UGT1A4: variants seen among roughly 807,000 people sequenced by gnomAD.
The protein encoded by UGT1A4 is UDP-glucuronosyltransferase 1A4.
In UGT1A4, 32 loss-of-function variants were observed where a neutral mutation model predicts 41.1. The observed-to-expected ratio is 0.78, with a 90% CI of 0.59 to 1.05. The LOEUF (loss-of-function observed/expected upper bound fraction) is 1.05, where lower values mean the gene tolerates loss of function less well. Among genes scored for constraint, UGT1A4 ranks in the 50% least tolerant of loss-of-function variants. The probability of loss-of-function intolerance (pLI) is 0.00; values close to 1 mark genes in which losing one functional copy is unlikely to be tolerated. For missense variants in UGT1A4, 748 were observed against 677.4 expected, an observed-to-expected ratio of 1.10 and a Z score of -1.16; for synonymous variants, 283 against 265.1, an observed-to-expected ratio of 1.07 and a Z score of -0.66.
At chr2:233,742,595 T>C (rs1692031315) in intron 1 of UGT1A4, among the ~76,000 whole-genome samples, 1 of 151,868 alleles carries the variant, frequency 6.6e-6, no homozygotes, top group African/African-American at 2.4e-5. Flanking sequence ...CCCAGCAACC[T>C]ACCATAGTTG....
In UGT1A4 at chr2:233,768,310, C is replaced by G; in HGVS notation, c.1178C>G (p.Pro393Arg). 6.2e-7 allele frequency: 1 copy of G among 1,614,060 alleles called. No homozygotes were observed. Among genetic ancestry groups the G allele is most frequent in the Non-Finnish European group, 8.5e-7 (1 of 1,180,018 alleles). ...ICNGVPMVMM[P>R]LFGDQMDNAK... ...AATGGCGTTCCCATGGTGATGATGC[C>G]CTTGTTTGGTGATCAGATGGACAAT... The change falls in exon 4 of 5, where the codon CCC becomes CGC. Residue 393 changes from proline to arginine, a missense_variant. Physicochemically the swap from Pro to Arg is moderately radical, Grantham distance 103. Coordinates refer to ENST00000373409, the MANE Select transcript of UGT1A4 (RefSeq NM_007120.3).
chr2:233,747,463 G>A lies in UGT1A4; in HGVS notation c.868-19571G>A, dbSNP rs564672570. 1.6e-5 allele frequency: 25 copies of A among 1,608,790 alleles called. No homozygotes were observed. The South Asian group carries it at 2.7e-4, about 18-fold the overall frequency. ...ACCCTGACAACCTATGCCATTTCAT[G>A]GACCCAGGATGAATTTGATCGCCTT... On this transcript the variant is annotated intron_variant, in intron 1 of 4. Coordinates refer to ENST00000373409, the MANE Select transcript of UGT1A4 (RefSeq NM_007120.3).
intron 1 of UGT1A4, among the ~76,000 whole-genome samples, chr2:233,731,421 G>A (rs1039281599): frequency 6.6e-6 from 1 of 151,738 alleles, no homozygotes; most frequent in Non-Finnish European, 1.5e-5. Flanking sequence ...TTTTCCTAAT[G>A]CCATCCCTCC....
chr2:233,767,858 CG>C lies in UGT1A4; in HGVS notation c.1011del (p.Tyr338ThrfsTer29). The C allele has an allele frequency of 6.2e-7, 1 of 1,614,120 alleles. No individual in the cohort carries two copies. Among genetic ancestry groups the C allele is most frequent in the South Asian group, 1.1e-5 (1 of 91,080 alleles). On this transcript the variant is annotated frameshift_variant, in exon 3 of 5. Coordinates refer to ENST00000373409, the MANE Select transcript of UGT1A4 (RefSeq NM_007120.3). LOFTEE classifies it high-confidence loss of function. ...LGKIPQTVLW[R>X]YTGTRPSNLA... The stretch of plus-strand genomic sequence containing the variant: ...TTTTTGCCCCTCCCAGGTCCTGTGG[CG>C]GTACACTGGAACCCGACCATCGAAT...
chr2:233,757,867 T>C (rs1324450785), intron 1 of UGT1A4, among the ~76,000 whole-genome samples: 1 of 151,950 alleles, frequency 6.6e-6, no homozygotes. Context: ...AAAAAGAAAG[T>C]AGCTTCAAAA....
chr2:233,753,025 CA>C (rs2125918346), intron 1 of UGT1A4, among the ~76,000 whole-genome samples: 1 of 152,200 alleles, frequency 6.6e-6, no homozygotes, highest in South Asian at 2.1e-4. Flanking sequence ...ATTTACAACA[CA>C]AAAAACTACC....
intron 1 of UGT1A4, among the ~76,000 whole-genome samples, chr2:233,741,100 C>A (rs1335319606): frequency 1.3e-5 from 2 of 151,794 alleles, no homozygotes; most frequent in Non-Finnish European, 2.9e-5. Context: ...AGCAAACAGA[C>A]AATCAAGCTT....
At chr2:233,721,918 T>C in intron 1 of UGT1A4, 1 of 410,238 alleles carries the variant, frequency 2.4e-6, no homozygotes, top group Non-Finnish European at 4.9e-6. Flanking sequence ...ACTGCTTCCA[T>C]AAAGTGACAT....
At chr2:233,729,385 G>C (rs1328190991) in intron 1 of UGT1A4, 1 of 1,613,836 alleles carries the variant, frequency 6.2e-7, no homozygotes, top group Admixed American at 1.7e-5. Flanking sequence ...GTGGACCCAG[G>C]ATGAATTTGA....
At chr2:233,767,000 A>C (rs750045241) in intron 1 of UGT1A4, 34 bp from the exon 2 acceptor site, 2 of 1,613,618 alleles carry the variant, frequency 1.2e-6, no homozygotes, top group Non-Finnish European at 1.7e-6. Flanking sequence ...GAATATGAGA[A>C]AAAATTAACT....
At chr2:233,726,448 G>A (rs566259784) in intron 1 of UGT1A4, among the ~76,000 whole-genome samples, 1 of 152,244 alleles carries the variant, frequency 6.6e-6, no homozygotes, top group East Asian at 1.9e-4. Flanking sequence ...TCTTTCCACT[G>A]AATGTAAGCT....
chr2:233,746,054 T>C (rs1380596465), intron 1 of UGT1A4, among the ~76,000 whole-genome samples: 1 of 151,656 alleles, frequency 6.6e-6, no homozygotes, highest in Non-Finnish European at 1.5e-5. Flanking sequence ...ATGCAGGGTC[T>C]AGAACGAAAA....
chr2:233,768,502 A>G (rs1225934667), intron 4 of UGT1A4, 63 bp downstream of exon 4: 30 of 1,567,296 alleles, frequency 1.9e-5, no homozygotes, highest in Non-Finnish European at 2.6e-5. Flanking sequence ...TGTTTCAAAT[A>G]TGAAAACATT....
chr2:233,729,699 C>A lies in UGT1A4; in HGVS notation c.867+10012C>A, dbSNP rs184386098. On this transcript the variant is annotated intron_variant, in intron 1 of 4. Coordinates refer to ENST00000373409, the MANE Select transcript of UGT1A4 (RefSeq NM_007120.3). Reference sequence around the variant, plus strand: ...AGGGCACACAGTGTCCAAACCCTTCCTCCTATATTCCTAGATTACTAACAA... The same window carrying A: ...AGGGCACACAGTGTCCAAACCCTTCATCCTATATTCCTAGATTACTAACAA... 39 of 1,613,944 alleles carry A rather than the reference C, an allele frequency of 2.4e-5. No homozygotes were observed. The East Asian group carries it at 8.7e-4, about 36-fold the overall frequency.
intron 1 of UGT1A4, among the ~76,000 whole-genome samples, chr2:233,727,544 G>A (rs191237726): frequency 2.0e-5 from 3 of 152,260 alleles, no homozygotes; most frequent in South Asian, 2.1e-4. Flanking sequence ...TGTTCCACCC[G>A]TCACCTGGGC....
At chr2:233,730,753 G>T (rs115158591) in intron 1 of UGT1A4, among the ~76,000 whole-genome samples, 5 of 152,244 alleles carry the variant, frequency 3.3e-5, no homozygotes, top group African/African-American at 1.2e-4. Flanking sequence ...GAGGAGATAA[G>T]ACTGTGAATC....
chr2:233,724,618 G>A (rs1325870277), intron 1 of UGT1A4, among the ~76,000 whole-genome samples: 1 of 137,250 alleles, frequency 7.3e-6, no homozygotes, highest in East Asian at 2.4e-4. Flanking sequence ...GGGCAGAGAC[G>A]CTCCTCACTT....
rs202172337 is a variant in UGT1A4 at position 233,772,279 on chromosome 2, T to C, written c.1325T>C (p.Met442Thr). The change falls in exon 5 of 5, where the codon ATG becomes ACG. Residue 442 changes from methionine to threonine, a missense_variant. Met to Thr is a moderately conservative substitution (Grantham distance 81). Transcript: ENST00000373409. ...GTGTTTAGTTACAAGGAGAACATCA[T>C]GCGCCTCTCCAGCCTTCACAAGGAC... is the stretch of plus-strand genomic sequence containing the variant. ...INDKSYKENI[M>T]RLSSLHKDRP... is the part of the protein sequence containing the mutation. 1.3e-4 allele frequency: 204 copies of C among 1,614,264 alleles called. No individual in the cohort carries two copies. Among genetic ancestry groups the C allele is most frequent in the East Asian group, 4.2e-4 (19 of 44,890 alleles).
chr2:233,762,443 C>A (rs1698075308), intron 1 of UGT1A4, among the ~76,000 whole-genome samples: 1 of 152,222 alleles, frequency 6.6e-6, no homozygotes, highest in Non-Finnish European at 1.5e-5. Flanking sequence ...TGTATTCCCA[C>A]TGCCCACTTA....
Sources: gnomAD v4.1 joint callset for allele counts (sites outside exome capture counted in the v4.1 genomes callset) on GRCh38, gnomAD v4.1.1 for gene constraint, MANE v1.5 for transcripts, NCBI Gene and HGNC (gene_info 2026-07-23, HGNC 2026-07-21) for gene names.